STRN: variants seen among roughly 807,000 people sequenced by gnomAD.
STRN encodes striatin.
STRN carries 53 observed loss-of-function variants against 96.3 expected under a neutral mutation model. The ratio of observed to expected loss-of-function variants is 0.55; its 90% CI spans 0.44 to 0.69. The LOEUF is 0.69. STRN is among the 30% of genes least tolerant of loss of function. The probability of loss-of-function intolerance (pLI) is 0.00; values close to 1 mark genes in which losing one functional copy is unlikely to be tolerated. For synonymous variants in STRN, 428 were observed against 355.9 expected, an observed-to-expected ratio of 1.20 and a Z score of -2.28; for missense variants, 987 against 963.9, an observed-to-expected ratio of 1.02 and a Z score of -0.32.
At chr2:36,894,285 CAT>C (rs139609733) in intron 6 of STRN, among the ~76,000 whole-genome samples, 261 of 152,252 alleles carry the variant, frequency 1.7e-3, no homozygotes, top group African/African-American at 5.8e-3. Context: ...AAATATAAGA[CAT>C]GTACTGAAAT....
chr2:36,875,370 G>C (rs376486134), intron 10 of STRN, among the ~76,000 whole-genome samples: 4 of 152,018 alleles, frequency 2.6e-5, no homozygotes, highest in African/African-American at 7.2e-5. Context: ...GCCAGGCATG[G>C]TGGTGCACAC....
chr2:36,912,773 A>G (rs1397425582), intron 3 of STRN, among the ~76,000 whole-genome samples: 1 of 152,140 alleles, frequency 6.6e-6, no homozygotes, highest in East Asian at 1.9e-4. Flanking sequence ...TCAACTGTCT[A>G]CTGGCCATCT....
intron 1 of STRN, among the ~76,000 whole-genome samples, chr2:36,930,803 C>T (rs1474392503): frequency 6.6e-6 from 1 of 152,142 alleles, no homozygotes; most frequent in South Asian, 2.1e-4. Flanking sequence ...GAGGCCGAGA[C>T]GGGTGGATCA....
chr2:36,940,528 T>C (rs927829026), intron 1 of STRN, among the ~76,000 whole-genome samples: 2 of 151,964 alleles, frequency 1.3e-5, no homozygotes, highest in African/African-American at 2.4e-5. Context: ...ATTTTTGTCT[T>C]AAAAAAAGTA....
Position 36,858,141 on chromosome 2 carries a change from T to C in STRN, c.1670-118A>G, listed in dbSNP as rs1359895600. ...CTGATAACAGTATAAAATATGATTC[T>C]TGGTTTCTATTATTCTTCTGACAGG... On this transcript the variant is annotated intron_variant, in intron 13 of 17. Transcript: ENST00000263918. The C allele has an allele frequency of 2.7e-5, 19 of 705,320 alleles. No individual in the cohort carries two copies. The Admixed American group carries it at 7.0e-4, about 26-fold the overall frequency. 43.7% of individuals were successfully genotyped at this position (705,320 alleles called of 1,614,324 possible). A position where few individuals can be genotyped will look rare whatever the true frequency, so the allele number is the denominator to read the frequency against.
At chr2:36,917,457 T>C (rs1227478389) in intron 2 of STRN, among the ~76,000 whole-genome samples, 1 of 149,594 alleles carries the variant, frequency 6.7e-6, no homozygotes, top group African/African-American at 2.5e-5. Context: ...GCTGCAGAGG[T>C]TGCAGTGAGT....
At chr2:36,906,522 G>C (rs1669825496) in intron 3 of STRN, among the ~76,000 whole-genome samples, 1 of 150,726 alleles carries the variant, frequency 6.6e-6, no homozygotes, top group African/African-American at 2.4e-5. Flanking sequence ...TTTAAAAAAA[G>C]AACTAGAACA....
At chr2:36,910,872 T>C (rs770467671) in intron 3 of STRN, among the ~76,000 whole-genome samples, 1 of 152,148 alleles carries the variant, frequency 6.6e-6, no homozygotes. Context: ...AATAAATACA[T>C]TTTAACATAG....
chr2:36,855,736 G>C (rs1327424935), intron 14 of STRN, among the ~76,000 whole-genome samples: 1 of 152,056 alleles, frequency 6.6e-6, no homozygotes, highest in African/African-American at 2.4e-5. Context: ...AGGGATGTTA[G>C]CTCATCAAAA....
At chr2:36,936,633 C>T (rs1670708481) in intron 1 of STRN, among the ~76,000 whole-genome samples, 1 of 152,110 alleles carries the variant, frequency 6.6e-6, no homozygotes, top group Admixed American at 6.5e-5. Context: ...ATGAAGCCAA[C>T]AGAAAACTAT....
chr2:36,858,248 T>C (rs972558737), intron 13 of STRN, among the ~76,000 whole-genome samples: 5 of 152,188 alleles, frequency 3.3e-5, no homozygotes, highest in Non-Finnish European at 7.3e-5. Flanking sequence ...GCACGTATTT[T>C]TCCCCCTTAA....
At chr2:36,958,614 T>C (rs1352345278) in intron 1 of STRN, among the ~76,000 whole-genome samples, 2 of 152,054 alleles carry the variant, frequency 1.3e-5, no homozygotes, top group Non-Finnish European at 2.9e-5. Context: ...TCAGAATAAA[T>C]TATCGAGAAT....
chr2:36,913,636 C>G (rs1317467343), intron 3 of STRN, among the ~76,000 whole-genome samples: 3 of 152,052 alleles, frequency 2.0e-5, no homozygotes, highest in Non-Finnish European at 1.5e-5. Flanking sequence ...TATAAAAATC[C>G]AACAGGGCAT....
intron 1 of STRN, among the ~76,000 whole-genome samples, chr2:36,940,222 G>C (rs539894854): frequency 6.6e-6 from 1 of 151,996 alleles, no homozygotes; most frequent in African/African-American, 2.4e-5. Flanking sequence ...GATGTACTTC[G>C]AAGGAAAAGT....
chr2:36,854,391 C>T (rs1668293398), intron 15 of STRN, among the ~76,000 whole-genome samples: 1 of 152,058 alleles, frequency 6.6e-6, no homozygotes, highest in African/African-American at 2.4e-5. Context: ...TGCTTACTTC[C>T]CCAAACAAGT....
chr2:36,901,899 T>C (rs1669693461), intron 5 of STRN, among the ~76,000 whole-genome samples: 1 of 152,198 alleles, frequency 6.6e-6, no homozygotes, highest in Admixed American at 6.5e-5. Context: ...AAACCATTCT[T>C]CCTTCCTAAA....
chr2:36,899,428 G>A (rs111268384), intron 6 of STRN, 95 bp downstream of exon 6: 10 of 1,151,748 alleles, frequency 8.7e-6, no homozygotes, highest in African/African-American at 4.8e-5. Flanking sequence ...AAAAAGCTAC[G>A]GGTTAAGATT....
chr2:36,898,843 T>C (rs1322174862), intron 6 of STRN, among the ~76,000 whole-genome samples: 1 of 150,682 alleles, frequency 6.6e-6, no homozygotes. Context: ...ATATCTTACT[T>C]TAAAAAGAAG....
At chr2:36,883,139 A>G (rs1457690843) in intron 9 of STRN, among the ~76,000 whole-genome samples, 1 of 152,134 alleles carries the variant, frequency 6.6e-6, no homozygotes, top group African/African-American at 2.4e-5. Flanking sequence ...ATATAGGTAT[A>G]TTCTATACCT....
Sources: allele counts gnomAD v4.1 joint callset (sites outside exome capture counted in the v4.1 genomes callset), GRCh38; gene constraint gnomAD v4.1.1; transcripts MANE v1.5; gene names NCBI Gene and HGNC (gene_info 2026-07-23, HGNC 2026-07-21).